Variants in DYNC2H1 observed in about 807,000 individuals in gnomAD.
The protein encoded by DYNC2H1 is cytoplasmic dynein 2 heavy chain 1.
Under a neutral mutation model 570.0 loss-of-function variants are expected in DYNC2H1, and 410 were observed. The ratio of observed to expected loss-of-function variants is 0.72; its 90% CI spans 0.66 to 0.78. DYNC2H1 has a LOEUF of 0.78. DYNC2H1 is among the 30% of genes least tolerant of loss of function. DYNC2H1 has a pLI of 0.00. For synonymous variants in DYNC2H1, 1,688 were observed against 1,677.6 expected (o/e 1.01, Z -0.15); for missense variants, 4,865 against 5,046.4 (o/e 0.96, Z 1.09).
At chr11:103,141,156 C>T (rs1412550919) in intron 17 of DYNC2H1, among the ~76,000 whole-genome samples, 2 of 152,182 alleles carry the variant, frequency 1.3e-5, no homozygotes, top group South Asian at 2.1e-4. Context: ...TTTGAATATC[C>T]TCCTGTAGCT....
chr11:103,184,884 T>A lies in DYNC2H1; in HGVS notation c.6478-12T>A, dbSNP rs1162325783. 2.5e-6 allele frequency: 4 copies of A among 1,609,476 alleles called. No individual in the cohort carries two copies. Among genetic ancestry groups the A allele is most frequent in the Non-Finnish European group, 3.4e-6 (4 of 1,176,914 alleles). On this transcript the variant is annotated splice_polypyrimidine_tract_variant and intron_variant, in intron 40 of 88. Transcript: ENST00000375735. Reference sequence around the variant, plus strand: ...CCTTTTGTCTGTTTGTATCACGGATTTTAATCAACAGAATGACTATGTGGT... The same window carrying A: ...CCTTTTGTCTGTTTGTATCACGGATATTAATCAACAGAATGACTATGTGGT...
At position 103,204,350 on chromosome 11, in the gene DYNC2H1, T is replaced by G. The variant is rs965787375; in HGVS notation, c.8312-472T>G. On this transcript the variant is annotated intron_variant, in intron 51 of 88. Transcript: ENST00000375735. The surrounding 1 kb of genome is among the most constrained non-coding windows in gnomAD (Gnocchi z 4.1). ...GCAAAATTTTAGCAAACAGGAATGA[T>G]GAAAGTATGGTAATGTTCTTTGGAA... is the stretch of plus-strand genomic sequence containing the variant. Among the ~76,000 whole-genome samples the G allele has an allele frequency of 6.6e-6, 1 of 152,204 alleles. No homozygotes were observed. Among genetic ancestry groups the G allele is most frequent in the South Asian group, 2.1e-4 (1 of 4,834 alleles).
rs891759413 is a variant in DYNC2H1 at position 103,252,178 on chromosome 11, G to T, written c.10043-1107G>T. Among the ~76,000 whole-genome samples, 1 of 151,140 alleles carries T rather than the reference G, an allele frequency of 6.6e-6. No individual in the cohort carries two copies. The highest frequency in any genetic ancestry group is 6.6e-5 in the Admixed American group (1 of 15,140). Reference sequence around the variant, plus strand: ...TTGAACTTCTGGTCTCAAGTGGTACGTCCGTCTCAACCTCCCAAAATGATG... The same window carrying T: ...TTGAACTTCTGGTCTCAAGTGGTACTTCCGTCTCAACCTCCCAAAATGATG... On this transcript the variant is annotated intron_variant, in intron 65 of 88. Coordinates refer to ENST00000375735, the MANE Select transcript of DYNC2H1 (RefSeq NM_001377.3). The surrounding 1 kb of genome is among the most constrained non-coding windows in gnomAD (Gnocchi z 4.6).
chr11:103,364,804 G>A (rs1257703307), intron 83 of DYNC2H1, among the ~76,000 whole-genome samples: 2 of 152,072 alleles, frequency 1.3e-5, no homozygotes, highest in African/African-American at 4.8e-5. Flanking sequence ...TCTCCACAGA[G>A]CCAGCTGTGA....
chr11:103,365,356 C>T lies in DYNC2H1; in HGVS notation c.12156+6997C>T, dbSNP rs548756301. On this transcript the variant is annotated intron_variant, in intron 83 of 88. Transcript: ENST00000375735. ...AGCCTGGGCAACAAGAGCGAAATTC[C>T]GGCTCAGGAAAAAAAAAAAAGTGTA... Among the ~76,000 whole-genome samples, 621 of 115,296 alleles carry T rather than the reference C, an allele frequency of 5.4e-3. 3 individuals are homozygous for T. The highest frequency in any genetic ancestry group is 0.016 in the African/African-American group (570 of 35,796). 75.6% of individuals were successfully genotyped at this position (115,296 alleles called of 152,430 possible).
At position 103,117,708 on chromosome 11, in the gene DYNC2H1, G is replaced by A. The variant is rs1389913404; in HGVS notation, c.844G>A (p.Glu282Lys). Residue 282 changes from glutamate (E) to lysine (K), a missense_variant, in exon 6 of 89, where the codon GAA becomes AAA. Physicochemically the swap from Glu to Lys is moderately conservative, Grantham distance 56. Transcript: ENST00000375735. ...LWEDPYYLVKESLKAGISICE... is the reference protein window; with the variant it reads ...LWEDPYYLVKKSLKAGISICE... ...GGAAGATCCTTATTATCTTGTGAAA[G>A]AAAGTCTGAAAGCTGGTATTTCAAT... The A allele has an allele frequency of 6.2e-7, 1 of 1,612,644 alleles. No individual in the cohort carries two copies. The highest frequency in any genetic ancestry group is 1.1e-5 in the South Asian group (1 of 90,886).
At chr11:103,290,974 A>C (rs1866571208) in intron 75 of DYNC2H1, among the ~76,000 whole-genome samples, 1 of 152,338 alleles carries the variant, frequency 6.6e-6, no homozygotes, top group African/African-American at 2.4e-5. Context: ...TCACATCAGA[A>C]ATATGTGGAA....
Position 103,113,518 on chromosome 11 carries a change from A to G in DYNC2H1, c.196-19A>G, listed in dbSNP as rs764305211. ...TTAAATTTTATGAAGATAACATTAA[A>G]AATCATTTATCACTTTAGATTGAGT... is the stretch of plus-strand genomic sequence containing the variant. On this transcript the variant is annotated intron_variant, in intron 1 of 88. Transcript: ENST00000375735. 6.7e-7 allele frequency: 1 copy of G among 1,488,772 alleles called. No homozygotes were observed. The highest frequency in any genetic ancestry group is 1.5e-5 in the South Asian group (1 of 65,706). 92.2% of individuals were successfully genotyped at this position (1,488,772 alleles called of 1,614,324 possible).
At chr11:103,127,583 A>G (rs1859064184) in intron 12 of DYNC2H1, among the ~76,000 whole-genome samples, 3 of 152,216 alleles carry the variant, frequency 2.0e-5, no homozygotes, top group African/African-American at 7.2e-5. Flanking sequence ...TAAAGCATCT[A>G]CTATGTGCCA....
Position 103,177,689 on chromosome 11 carries a change from T to A in DYNC2H1, c.6008T>A (p.Val2003Glu). 1.2e-6 allele frequency: 2 copies of A among 1,613,476 alleles called. No homozygotes were observed. The highest frequency in any genetic ancestry group is 1.7e-6 in the Non-Finnish European group (2 of 1,179,696). Reference protein sequence around the residue: ...RAALCKTGKVVKQYTMNPKAM... With the variant: ...RAALCKTGKVEKQYTMNPKAM... The stretch of plus-strand genomic sequence containing the variant: ...GCGCTTTGTAAAACTGGCAAAGTAG[T>A]GAAACAATATACTATGAATCCCAAA... Residue 2003 changes from valine (V) to glutamate (E), a missense_variant, in exon 38 of 89, where the codon GTG becomes GAG. Physicochemically the swap from Val to Glu is moderately radical, Grantham distance 121. Around this residue, in one of 5 missense-constraint regions of DYNC2H1, gnomAD observed 231 missense variants for 310.3 expected, o/e 0.74. Transcript: ENST00000375735. The surrounding 1 kb of genome is among the most constrained non-coding windows in gnomAD (Gnocchi z 4.4).
At chr11:103,116,930 A>C (rs1858430727) in intron 5 of DYNC2H1, among the ~76,000 whole-genome samples, 1 of 151,676 alleles carries the variant, frequency 6.6e-6, no homozygotes, top group South Asian at 2.1e-4. Context: ...CCAAATTTAC[A>C]TAGATTTTTA....
intron 65 of DYNC2H1, 38 bp from the exon 66 acceptor site, chr11:103,253,247 A>C (rs373109064): frequency 4.0e-5 from 62 of 1,567,700 alleles, no homozygotes; most frequent in Middle Eastern, 1.7e-4. Flanking sequence ...GAAATACAGA[A>C]GATTCAGACC....
intron 5 of DYNC2H1, 74 bp downstream of exon 5, chr11:103,116,788 C>T: frequency 7.3e-7 from 1 of 1,362,598 alleles, no homozygotes; most frequent in Non-Finnish European, 9.8e-7. Context: ...CCTTTAAGTC[C>T]TTACTTAAAA....
rs1358534943 is a variant in DYNC2H1 at position 103,289,413 on chromosome 11, C to T, written c.11095+1808C>T. On this transcript the variant is annotated intron_variant, in intron 75 of 88. Coordinates refer to ENST00000375735, the MANE Select transcript of DYNC2H1 (RefSeq NM_001377.3). The surrounding 1 kb of genome is among the most constrained non-coding windows in gnomAD (Gnocchi z 4.2). ...GGAATGAACAAGGTCAGCTTAAAGG[C>T]TAGAAGCAAGATGGAGTCGGTTAGG... Among the ~76,000 whole-genome samples, 1 of 152,164 alleles carries T rather than the reference C, an allele frequency of 6.6e-6. No individual in the cohort carries two copies. The highest frequency in any genetic ancestry group is 1.5e-5 in the Non-Finnish European group (1 of 68,024).
intron 11 of DYNC2H1, 68 bp from the exon 12 acceptor site, chr11:103,125,032 C>G: frequency 8.0e-7 from 1 of 1,248,740 alleles, no homozygotes; most frequent in Admixed American, 2.6e-5. Flanking sequence ...GTTGTAAAAA[C>G]CTATTGTGTT....
rs1565312154 is a variant in DYNC2H1 at position 103,117,663 on chromosome 11, T to C, written c.799T>C (p.Leu267=). 21 of 1,607,780 alleles carry C rather than the reference T, an allele frequency of 1.3e-5. No homozygotes were observed. Among genetic ancestry groups the C allele is most frequent in the Non-Finnish European group, 1.7e-5 (20 of 1,176,344 alleles). The change falls in exon 6 of 89, where the codon TTG becomes CTG. Residue 267 remains leucine (L), a synonymous_variant. Coordinates refer to ENST00000375735, the MANE Select transcript of DYNC2H1 (RefSeq NM_001377.3). ...ATTTGGAAGGTTTGTTCAGAAAAAG[T>C]TGGGAACTTTGAACCTGTGGGAAGA... ...GSFGRFVQKK[L]GTLNLWEDPY...
chr11:103,163,807 A>T lies in DYNC2H1; in HGVS notation c.4611+660A>T, dbSNP rs1332004695. ...GGGACTGTGGATGGTAGACATTGGGATGTTTCATGATTTCTTACAGAAAAA... is the reference window on the plus strand; with the variant it reads ...GGGACTGTGGATGGTAGACATTGGGTTGTTTCATGATTTCTTACAGAAAAA... On this transcript the variant is annotated intron_variant, in intron 30 of 88. Transcript: ENST00000375735. This position sits in a 1 kb window ranked among gnomAD's most constrained non-coding sequence, Gnocchi z 4.6. Among the ~76,000 whole-genome samples the T allele has an allele frequency of 6.6e-6, 1 of 152,130 alleles. No homozygotes were observed. Among genetic ancestry groups the T allele is most frequent in the Non-Finnish European group, 1.5e-5 (1 of 68,022 alleles).
At chr11:103,178,778 G>C (rs1214151230) in intron 38 of DYNC2H1, among the ~76,000 whole-genome samples, 1 of 151,894 alleles carries the variant, frequency 6.6e-6, no homozygotes, top group African/African-American at 2.4e-5. Flanking sequence ...ATATCTTGTG[G>C]GAATAAAAAT....
rs1434529772 is a variant in DYNC2H1, at chr11:103,326,973, T to A, written c.12039+2983T>A. ...GGCAGATCCTCCACCAGCTCACACA[T>A]CCATGGTGGATGCGGGGTCCGCTGA... On this transcript the variant is annotated intron_variant, in intron 82 of 88. Coordinates refer to ENST00000375735, the MANE Select transcript of DYNC2H1 (RefSeq NM_001377.3). This position sits in a 1 kb window ranked among gnomAD's most constrained non-coding sequence, Gnocchi z 6.1. 6.6e-6 allele frequency among the ~76,000 whole-genome samples: 1 copy of A among 152,176 alleles called. No homozygotes were observed. Among genetic ancestry groups the A allele is most frequent in the East Asian group, 1.9e-4 (1 of 5,180 alleles).
Sources: gnomAD v4.1 joint callset for allele counts (sites outside exome capture counted in the v4.1 genomes callset) on GRCh38, gnomAD v4.1.1 for gene constraint, gnomAD v4.1.1 regional missense constraint, Gnocchi (gnomAD v3.1) non-coding constraint, MANE v1.5 for transcripts, NCBI Gene and HGNC (gene_info 2026-07-23, HGNC 2026-07-21) for gene names.